The following ZC4H2 variants were observed in gnomAD, a reference collection of about 807,000 sequenced individuals.
ZC4H2 encodes zinc finger C4H2-type containing.
For synonymous variants in ZC4H2, 84 were observed against 66.3 expected (o/e 1.27, Z -1.30); for missense variants, 137 against 173.9 (o/e 0.79, Z 1.19).
chrX:64,920,019 T>G (rs754678424), intron 3 of ZC4H2, 62 bp downstream of exon 3: 562 of 1,122,808 alleles, frequency 5.0e-4, no homozygotes, highest in Non-Finnish European at 6.5e-4. Flanking sequence ...TGTGTAGGTA[T>G]GTAAGTATGT....
intron 1 of ZC4H2, among the ~76,000 whole-genome samples, chrX:64,928,422 C>T (rs1602387833): frequency 8.9e-6 from 1 of 111,810 alleles, no homozygotes; most frequent in Non-Finnish European, 1.9e-5. Flanking sequence ...TGTCAAAGAT[C>T]AGATGGTTGT....
chrX:64,920,511 G>C (rs1331401369), intron 2 of ZC4H2, among the ~76,000 whole-genome samples: 1 of 111,903 alleles, frequency 8.9e-6, no homozygotes, highest in Non-Finnish European at 1.9e-5. Flanking sequence ...CAGTAAATGG[G>C]CTAAATTAAT....
intron 1 of ZC4H2, among the ~76,000 whole-genome samples, chrX:64,951,953 A>G (rs1930863549): frequency 9.0e-6 from 1 of 111,447 alleles, no homozygotes; most frequent in Admixed American, 9.5e-5. Context: ...TTAAGTCTTT[A>G]ATCCATCTTG....
chrX:64,965,884 G>A (rs1234590926), intron 1 of ZC4H2, among the ~76,000 whole-genome samples: 2 of 97,988 alleles, frequency 2.0e-5, no homozygotes, highest in Non-Finnish European at 4.0e-5. Flanking sequence ...GCTTCAGTGA[G>A]CCACGATGGC....
At chrX:64,954,332 A>T (rs1310923493) in intron 1 of ZC4H2, among the ~76,000 whole-genome samples, 1 of 76,490 alleles carries the variant, frequency 1.3e-5, no homozygotes, top group Non-Finnish European at 2.2e-5. Context: ...ATATATATAT[A>T]TATATAATTA....
chrX:64,997,526 G>T (rs1463268640), intron 1 of ZC4H2, among the ~76,000 whole-genome samples: 1 of 112,700 alleles, frequency 8.9e-6, no homozygotes, highest in Non-Finnish European at 1.9e-5. Context: ...CTCGTAAAAA[G>T]AATTATAAAT....
At chrX:64,954,472 G>T (rs1039985069) in intron 1 of ZC4H2, among the ~76,000 whole-genome samples, 2 of 95,461 alleles carry the variant, frequency 2.1e-5, no homozygotes, top group East Asian at 6.3e-4. Context: ...CATTATTATG[G>T]TTATTATGTT....
intron 1 of ZC4H2, among the ~76,000 whole-genome samples, chrX:65,016,801 T>C (rs1932800680): frequency 8.9e-6 from 1 of 111,937 alleles, no homozygotes; most frequent in Non-Finnish European, 1.9e-5. Context: ...TAAGAGAGTC[T>C]AGTATTTCCC....
At chrX:64,995,359 G>A (rs769547805) in intron 1 of ZC4H2, among the ~76,000 whole-genome samples, 2 of 111,734 alleles carry the variant, frequency 1.8e-5, no homozygotes, top group South Asian at 3.8e-4. Flanking sequence ...CTCAAGCTTA[G>A]CAGTGGTCTT....
chrX:65,031,553 A>G (rs1285149284), intron 1 of ZC4H2, among the ~76,000 whole-genome samples: 1 of 111,916 alleles, frequency 8.9e-6, no homozygotes, highest in Admixed American at 9.5e-5. Context: ...AAATGAAAAG[A>G]AGGTGAATAA....
chrX:64,959,563 T>G lies in ZC4H2; in HGVS notation c.53+16762A>C, dbSNP rs949344144. On this transcript the variant is annotated intron_variant, in intron 1 of 4. Coordinates refer to ENST00000374839, the MANE Select transcript of ZC4H2 (RefSeq NM_018684.4). ...ATTTAAGAGATTATTTTTATCAGACTTTTCTGGTCTGAGTTCTTCTTCATA... is the reference window on the plus strand; with the variant it reads ...ATTTAAGAGATTATTTTTATCAGACGTTTCTGGTCTGAGTTCTTCTTCATA... Among the ~76,000 whole-genome samples, 3 of 108,332 alleles carry G rather than the reference T, an allele frequency of 2.8e-5. No homozygotes were observed. In the East Asian group the frequency reaches 8.6e-4, roughly 31 times the overall value. The allele number at this position is 108,332 out of a possible 115,157, so 94.1% of individuals were successfully genotyped here.
chrX:64,952,294 G>A (rs904868129), intron 1 of ZC4H2, among the ~76,000 whole-genome samples: 3 of 108,453 alleles, frequency 2.8e-5, no homozygotes, highest in African/African-American at 1.0e-4. Flanking sequence ...GCTCTTTTTT[G>A]GTTCCATATG....
intron 1 of ZC4H2, among the ~76,000 whole-genome samples, chrX:65,031,934 T>C (rs1932938431): frequency 8.9e-6 from 1 of 112,574 alleles, no homozygotes; most frequent in Non-Finnish European, 1.9e-5. Flanking sequence ...ATAAGTTGTA[T>C]AGAATTTTAT....
At chrX:64,928,463 T>C (rs1044310332) in intron 1 of ZC4H2, among the ~76,000 whole-genome samples, 1 of 111,977 alleles carries the variant, frequency 8.9e-6, no homozygotes, top group Admixed American at 9.5e-5. Context: ...AAGGACTCTG[T>C]TCTGTTCCAT....
chrX:64,996,242 T>C (rs182552960), intron 1 of ZC4H2, among the ~76,000 whole-genome samples: 1 of 110,988 alleles, frequency 9.0e-6, no homozygotes, highest in East Asian at 2.8e-4. Context: ...GTCAAAACCA[T>C]AGGTGAACAC....
At chrX:65,001,184 G>C (rs777840095) in intron 1 of ZC4H2, among the ~76,000 whole-genome samples, 1 of 111,348 alleles carries the variant, frequency 9.0e-6, no homozygotes, top group Non-Finnish European at 1.9e-5. Flanking sequence ...GGCAGCCAGA[G>C]AGAAAGGTCA....
chrX:64,937,462 A>C (rs1363036289), intron 1 of ZC4H2, among the ~76,000 whole-genome samples: 4 of 111,501 alleles, frequency 3.6e-5, no homozygotes, highest in African/African-American at 9.8e-5. Flanking sequence ...AGAACTCTCC[A>C]CTCCAAACCA....
At chrX:64,919,549 C>G (rs746852951) in intron 3 of ZC4H2, 2 of 167,925 alleles carry the variant, frequency 1.2e-5, no homozygotes, top group Non-Finnish European at 2.3e-5. Context: ...GAGTAGGAAG[C>G]TCACAAACTC....
chrX:64,945,587 C>A (rs1220705946), intron 1 of ZC4H2, among the ~76,000 whole-genome samples: 3 of 111,660 alleles, frequency 2.7e-5, no homozygotes, highest in Non-Finnish European at 5.6e-5. Context: ...GGCAGTCCAT[C>A]CCTTAGCATA....
Sources: allele counts gnomAD v4.1 joint callset (sites outside exome capture counted in the v4.1 genomes callset), GRCh38; gene constraint gnomAD v4.1.1; transcripts MANE v1.5; gene names NCBI Gene and HGNC (gene_info 2026-07-23, HGNC 2026-07-21).